EEFSEC: variants seen among roughly 807,000 people sequenced by gnomAD.
EEFSEC encodes eukaryotic elongation factor, selenocysteine-tRNA specific, also known as selenocysteine-specific elongation factor.
EEFSEC carries 43 observed loss-of-function variants against 42.1 expected under a neutral mutation model. The observed-to-expected ratio is 1.02, with a 90% confidence interval of 0.80 to 1.32. The LOEUF (loss-of-function observed/expected upper bound fraction) is 1.32, where lower values mean the gene tolerates loss of function less well. Among genes scored for constraint, EEFSEC ranks in the 40% most tolerant of loss-of-function variants. The probability of loss-of-function intolerance (pLI) is 0.00; values close to 1 mark genes in which losing one functional copy is unlikely to be tolerated. For missense variants in EEFSEC, 745 were observed against 803.6 expected (o/e 0.93, Z 0.88); for synonymous variants, 354 against 339.1 (o/e 1.04, Z -0.48).
chr3:128,311,043 A>T (rs1342469058), intron 4 of EEFSEC, among the ~76,000 whole-genome samples: 1 of 152,224 alleles, frequency 6.6e-6, no homozygotes, highest in Non-Finnish European at 1.5e-5. Flanking sequence ...CAACAATGTG[A>T]ATGAACTGGA....
chr3:128,329,117 T>C (rs568062232), intron 4 of EEFSEC, among the ~76,000 whole-genome samples: 1 of 152,298 alleles, frequency 6.6e-6, no homozygotes, highest in South Asian at 2.1e-4. Flanking sequence ...CCCAAATGCC[T>C]TCAACCACTC....
At chr3:128,373,704 A>G (rs1184781356) in intron 6 of EEFSEC, among the ~76,000 whole-genome samples, 3 of 152,192 alleles carry the variant, frequency 2.0e-5, no homozygotes, top group Non-Finnish European at 4.4e-5. Flanking sequence ...GCCTATACCA[A>G]GCCCTTCCCA....
chr3:128,423,481 T>A, the EEFSEC span, among the ~76,000 whole-genome samples: 1 of 150,174 alleles, frequency 6.7e-6, no homozygotes, highest in Non-Finnish European at 1.5e-5. Flanking sequence ...CCTGTCTCAA[T>A]AAATAAATAA....
chr3:128,377,859 C>T (rs1010461468), intron 6 of EEFSEC, among the ~76,000 whole-genome samples: 1 of 152,222 alleles, frequency 6.6e-6, no homozygotes, highest in South Asian at 2.1e-4. Flanking sequence ...CTGTTCTCTA[C>T]CCCTCACCAG....
intron 4 of EEFSEC, among the ~76,000 whole-genome samples, chr3:128,275,164 C>T (rs75704347): frequency 0.013 from 2,000 of 152,242 alleles, 21 homozygotes; most frequent in Non-Finnish European, 0.022. Context: ...TACTGGGGCC[C>T]AAAGCGGTTT....
chr3:128,371,249 A>G (rs2067650502), intron 6 of EEFSEC, among the ~76,000 whole-genome samples: 1 of 151,924 alleles, frequency 6.6e-6, no homozygotes, highest in Non-Finnish European at 1.5e-5. Context: ...GATGGGGAGG[A>G]GGGGAGGAGG....
At chr3:128,297,603 C>T (rs2066720702) in intron 4 of EEFSEC, among the ~76,000 whole-genome samples, 1 of 152,178 alleles carries the variant, frequency 6.6e-6, no homozygotes, top group Admixed American at 6.5e-5. Flanking sequence ...CCAGAGCTTC[C>T]TGCCTCATTC....
At chr3:128,177,148 GGATTATT>G (rs2065358086) in intron 1 of EEFSEC, among the ~76,000 whole-genome samples, 1 of 151,856 alleles carries the variant, frequency 6.6e-6, no homozygotes, top group Non-Finnish European at 1.5e-5. Context: ...AGGCCGTACT[GGATTATT>G]GATTCAATGT....
chr3:128,333,772 TG>T (rs771687688), intron 4 of EEFSEC, among the ~76,000 whole-genome samples: 18 of 152,194 alleles, frequency 1.2e-4, no homozygotes, highest in Non-Finnish European at 2.4e-4. Context: ...TCCTGCTGGA[TG>T]TTTTCAGTAG....
At chr3:128,290,133 C>A (rs911739443) in intron 4 of EEFSEC, among the ~76,000 whole-genome samples, 25 of 152,250 alleles carry the variant, frequency 1.6e-4, no homozygotes, top group African/African-American at 5.1e-4. Context: ...TTTGTGTCCT[C>A]TCTAGGAGAT....
rs72973474 is a variant in EEFSEC, at chr3:128,254,415, T to C, written c.524+7372T>C. On this transcript the variant is annotated intron_variant, in intron 2 of 6. Coordinates refer to ENST00000254730, the MANE Select transcript of EEFSEC (RefSeq NM_021937.5). ...TCCTCGTGAGTTCCACACGGCACTT[T>C]TACACATGTTAACCGATTCAGTCTG... Among the ~76,000 whole-genome samples, 4,264 of 152,260 alleles carry C rather than the reference T, an allele frequency of 0.028. 421 individuals are homozygous for C. In the East Asian group the frequency reaches 0.36, roughly 13 times the overall value.
Position 128,361,104 on chromosome 3 carries a change from G to T in EEFSEC, c.1600+2731G>T, listed in dbSNP as rs367878118. On this transcript the variant is annotated intron_variant, in intron 6 of 6. Transcript: ENST00000254730. The stretch of plus-strand genomic sequence containing the variant: ...AGGTAAGGCTCCCAGCCTGCAGCTC[G>T]TGGACAGGGCTGGGTTCAGATGCAC... Among the ~76,000 whole-genome samples the T allele has an allele frequency of 5.3e-5, 8 of 152,310 alleles. No homozygotes were observed. In the South Asian group the frequency reaches 6.2e-4, roughly 12 times the overall value.
chr3:128,424,441 G>T, the EEFSEC span, among the ~76,000 whole-genome samples: 1 of 152,224 alleles, frequency 6.6e-6, no homozygotes, highest in East Asian at 1.9e-4. Flanking sequence ...GAGTGCAGTG[G>T]TGTGATCATG....
At chr3:128,328,426 G>A (rs1372713464) in intron 4 of EEFSEC, among the ~76,000 whole-genome samples, 1 of 152,200 alleles carries the variant, frequency 6.6e-6, no homozygotes, top group African/African-American at 2.4e-5. Flanking sequence ...ATGAGGTGTG[G>A]GGTGCAAATT....
At chr3:128,404,546 C>T (rs556825410) in intron 6 of EEFSEC, among the ~76,000 whole-genome samples, 11 of 152,274 alleles carry the variant, frequency 7.2e-5, no homozygotes, top group Middle Eastern at 3.4e-3. Context: ...TGCCATTTGT[C>T]GGGGTCTGCT....
intron 4 of EEFSEC, among the ~76,000 whole-genome samples, chr3:128,329,421 C>G (rs1041867617): frequency 6.6e-6 from 1 of 152,134 alleles, no homozygotes; most frequent in Admixed American, 6.5e-5. Context: ...CACCCCCCCC[C>G]ACCCCCGCTG....
chr3:128,369,408 G>C (rs561558643), intron 6 of EEFSEC, among the ~76,000 whole-genome samples: 1 of 152,208 alleles, frequency 6.6e-6, no homozygotes. Flanking sequence ...CAACCATCCA[G>C]CTGCTCTGTT....
At position 128,222,096 on chromosome 3, in the gene EEFSEC, C is replaced by T. The variant is rs967347183; in HGVS notation, c.317-24740C>T. Among the ~76,000 whole-genome samples the T allele has an allele frequency of 5.9e-4, 85 of 144,172 alleles. 1 individual carries two copies. The highest frequency in any genetic ancestry group is 7.9e-4 in the African/African-American group (30 of 38,090). 94.6% of individuals were successfully genotyped at this position (144,172 alleles called of 152,430 possible). ...TCACCCAGGCTGGAGTGCAGTGGCA[C>T]GATCTCAGCTCACTGCAACCTCCCC... On this transcript the variant is annotated intron_variant, in intron 1 of 6. Transcript: ENST00000254730.
chr3:128,273,367 A>T (rs1235779098), intron 4 of EEFSEC, among the ~76,000 whole-genome samples: 3 of 152,234 alleles, frequency 2.0e-5, no homozygotes, highest in Non-Finnish European at 2.9e-5. Context: ...GGAGGCAGGG[A>T]ACTCAGGAAG....
Sources: allele counts gnomAD v4.1 joint callset (sites outside exome capture counted in the v4.1 genomes callset), GRCh38; gene constraint gnomAD v4.1.1; transcripts MANE v1.5; gene names NCBI Gene and HGNC (gene_info 2026-07-23, HGNC 2026-07-21).